The following LRP1B variants were observed in gnomAD, a reference collection of about 807,000 sequenced individuals.
LRP1B encodes LDL receptor related protein 1B.
A neutral mutation model predicts 556.6 loss-of-function variants in LRP1B; 217 were observed. That is an observed-to-expected ratio of 0.39 (90% confidence interval 0.35 to 0.44). The LOEUF (loss-of-function observed/expected upper bound fraction) is 0.44. LRP1B is among the 20% of genes least tolerant of loss of function. LRP1B has a pLI of 1.00. For missense variants in LRP1B, 5,053 were observed against 5,620.8 expected (o/e 0.90, Z 3.23); for synonymous variants, 2,047 against 1,865.8 (o/e 1.10, Z -2.50).
At chr2:141,344,137 C>T (rs1688164369) in intron 3 of LRP1B, among the ~76,000 whole-genome samples, 1 of 152,132 alleles carries the variant, frequency 6.6e-6, no homozygotes, top group South Asian at 2.1e-4. Context: ...GACGTTGTTT[C>T]CTTGTTTTAG....
At chr2:140,765,851 C>T (rs1301550236) in intron 35 of LRP1B, among the ~76,000 whole-genome samples, 1 of 152,060 alleles carries the variant, frequency 6.6e-6, no homozygotes, top group Non-Finnish European at 1.5e-5. Context: ...GCCAATGATT[C>T]TCTTCCACTT....
intron 41 of LRP1B, among the ~76,000 whole-genome samples, chr2:140,678,177 T>C (rs1246596130): frequency 2.0e-5 from 3 of 152,168 alleles, no homozygotes; most frequent in East Asian, 3.9e-4. Flanking sequence ...AATACCTCTA[T>C]TTTTTGCCTA....
intron 35 of LRP1B, among the ~76,000 whole-genome samples, chr2:140,731,764 C>CAAAAAAAAA (rs36060787): frequency 6.7e-5 from 4 of 59,402 alleles, no homozygotes; most frequent in African/African-American, 1.2e-4. Flanking sequence ...GAGACTCCGT[C>CAAAAAAAAA]AAAAAAAAAA....
rs751394142 is a variant in LRP1B at position 140,950,242 on chromosome 2, A to G, written c.3129T>C (p.Thr1043=). 1.9e-6 allele frequency: 3 copies of G among 1,582,812 alleles called. No homozygotes were observed. The highest frequency in any genetic ancestry group is 1.7e-6 in the Non-Finnish European group (2 of 1,170,172). The change falls in exon 20 of 91, where the codon ACT becomes ACC. Residue 1043 remains threonine, a synonymous_variant. Transcript: ENST00000389484. ...DFSDEAQINC[T]KEEIHSPAGC... is the part of the protein sequence containing the mutation. Reference sequence around the variant, plus strand: ...ATTTATAAAATTACTAACCTTCTTTAGTACAATTGATCTGGGCTTCATCAC... The same window carrying G: ...ATTTATAAAATTACTAACCTTCTTTGGTACAATTGATCTGGGCTTCATCAC...
intron 35 of LRP1B, among the ~76,000 whole-genome samples, chr2:140,748,358 T>TATTCATATATA: frequency 1.1e-5 from 1 of 90,568 alleles, no homozygotes; most frequent in Admixed American, 1.4e-4. Flanking sequence ...TCATATATAA[T>TATTCATATATA]ATATATTTAT....
chr2:140,312,505 A>G (rs540265669), intron 83 of LRP1B, among the ~76,000 whole-genome samples: 23 of 152,144 alleles, frequency 1.5e-4, no homozygotes, highest in Non-Finnish European at 2.9e-4. Context: ...AAGTGTAAAT[A>G]TAGCTGTTAA....
chr2:141,384,050 T>C (rs1689740609), intron 3 of LRP1B, among the ~76,000 whole-genome samples: 1 of 152,206 alleles, frequency 6.6e-6, no homozygotes, highest in South Asian at 2.1e-4. Flanking sequence ...GCTATGTTAA[T>C]TAGTTTGATG....
chr2:140,426,273 T>G (rs948813044), intron 66 of LRP1B, among the ~76,000 whole-genome samples: 2 of 152,226 alleles, frequency 1.3e-5, no homozygotes, highest in Non-Finnish European at 2.9e-5. Context: ...CTGTAATTAT[T>G]TGTACTTGGA....
chr2:140,998,552 C>T (rs927153238), intron 15 of LRP1B, among the ~76,000 whole-genome samples: 6 of 152,038 alleles, frequency 3.9e-5, no homozygotes, highest in African/African-American at 1.4e-4. Context: ...CAACTGACAT[C>T]ATTTCTAGTT....
chr2:140,429,558 G>A (rs1430593901), intron 66 of LRP1B, among the ~76,000 whole-genome samples: 1 of 152,082 alleles, frequency 6.6e-6, no homozygotes, highest in Non-Finnish European at 1.5e-5. Context: ...TTCCTCATCT[G>A]TTACCTATCT....
intron 2 of LRP1B, among the ~76,000 whole-genome samples, chr2:141,579,822 C>T (rs907872239): frequency 6.7e-6 from 1 of 149,350 alleles, no homozygotes; most frequent in Non-Finnish European, 1.5e-5. Context: ...GCCTCAGCCT[C>T]CCAAGTAGCT....
chr2:140,833,445 C>A (rs999420006), intron 31 of LRP1B, among the ~76,000 whole-genome samples: 3 of 152,156 alleles, frequency 2.0e-5, no homozygotes, highest in Admixed American at 6.5e-5. Context: ...TGGTTAAAAT[C>A]TTACGTGTTT....
chr2:141,665,572 C>G (rs1343240843), intron 2 of LRP1B, among the ~76,000 whole-genome samples: 1 of 152,142 alleles, frequency 6.6e-6, no homozygotes, highest in Non-Finnish European at 1.5e-5. Flanking sequence ...AATCCCATTG[C>G]TGATTTATAT....
chr2:141,452,775 T>G (rs528654352), intron 3 of LRP1B, among the ~76,000 whole-genome samples: 19 of 152,330 alleles, frequency 1.2e-4, no homozygotes, highest in African/African-American at 3.8e-4. Flanking sequence ...GAACACTTGT[T>G]GGTTCTCCCA....
At chr2:140,348,050 G>C (rs963331964) in intron 77 of LRP1B, among the ~76,000 whole-genome samples, 2 of 151,882 alleles carry the variant, frequency 1.3e-5, no homozygotes, top group African/African-American at 4.8e-5. Context: ...ATAATAATTA[G>C]ATAGATATAT....
At chr2:141,301,607 G>T (rs1443704395) in intron 3 of LRP1B, among the ~76,000 whole-genome samples, 1 of 152,118 alleles carries the variant, frequency 6.6e-6, no homozygotes, top group African/African-American at 2.4e-5. Flanking sequence ...GAAAAGCTGA[G>T]ACCTACAGAA....
At chr2:140,412,734 TTACA>T (rs1256052495) in intron 66 of LRP1B, among the ~76,000 whole-genome samples, 3 of 152,206 alleles carry the variant, frequency 2.0e-5, no homozygotes, top group African/African-American at 4.8e-5. Context: ...ACACTTAATA[TTACA>T]TAATCAGTAA....
At chr2:141,919,932 A>T (rs1247418762) in intron 1 of LRP1B, among the ~76,000 whole-genome samples, 1 of 151,976 alleles carries the variant, frequency 6.6e-6, no homozygotes, top group African/African-American at 2.4e-5. Flanking sequence ...AAAATGCAGA[A>T]TTTTTCTCTT....
Position 141,638,886 on chromosome 2 carries a change from TGTGTATGTGC to T in LRP1B, c.206-158363_206-158354del, listed in dbSNP as rs1374041580. On this transcript the variant is annotated intron_variant, in intron 2 of 90. Coordinates refer to ENST00000389484, the MANE Select transcript of LRP1B (RefSeq NM_018557.3). Reference sequence around the variant, plus strand: ...ATATATATATATATATATATATGTGTGTGTATGTGCGTGTGTGTGTGTGTGTGTATACATA... The same window carrying T: ...ATATATATATATATATATATATGTGTGTGTGTGTGTGTGTGTGTATACATA... 2.7e-4 allele frequency among the ~76,000 whole-genome samples: 14 copies of T among 51,474 alleles called. 3 individuals are homozygous for T. The highest frequency in any genetic ancestry group is 5.2e-4 in the Non-Finnish European group (12 of 23,002). The allele number at this position is 51,474 out of a possible 152,430, so 33.8% of individuals were successfully genotyped here.
Sources: gnomAD v4.1 joint callset for allele counts (sites outside exome capture counted in the v4.1 genomes callset) on GRCh38, gnomAD v4.1.1 for gene constraint, MANE v1.5 for transcripts, NCBI Gene and HGNC (gene_info 2026-07-23, HGNC 2026-07-21) for gene names.